Variants in RSU1 observed in about 807,000 individuals in gnomAD.
RSU1 encodes the protein rsu-1.
In RSU1, 26 loss-of-function variants were observed where a neutral mutation model predicts 31.1. That is an observed-to-expected ratio of 0.84 (90% confidence interval 0.61 to 1.16). RSU1 has a LOEUF of 1.16. Among genes scored for constraint, RSU1 ranks in the 50% most tolerant of loss-of-function variants. The pLI is 0.00. For synonymous variants in RSU1, 164 were observed against 136.3 expected, an observed-to-expected ratio of 1.20 and a Z score of -1.41; for missense variants, 320 against 339.1, an observed-to-expected ratio of 0.94 and a Z score of 0.44.
At chr10:16,661,016 T>C (rs1834879467) in intron 8 of RSU1, among the ~76,000 whole-genome samples, 2 of 152,294 alleles carry the variant, frequency 1.3e-5, no homozygotes, top group African/African-American at 2.4e-5. Flanking sequence ...ATTGCAATGA[T>C]TATATTTTTC....
intron 8 of RSU1, among the ~76,000 whole-genome samples, chr10:16,621,006 T>C (rs1157335664): frequency 6.6e-6 from 1 of 152,202 alleles, no homozygotes; most frequent in East Asian, 1.9e-4. Context: ...TTTTTCAATC[T>C]GCGTACTTAA....
intron 8 of RSU1, among the ~76,000 whole-genome samples, chr10:16,631,703 T>A (rs995997797): frequency 6.6e-6 from 1 of 152,236 alleles, no homozygotes; most frequent in African/African-American, 2.4e-5. Flanking sequence ...GTCCTTTGTT[T>A]ATACTGCTGG....
At position 16,592,808 on chromosome 10, in the gene RSU1, C is replaced by A. The variant is rs966237771; in HGVS notation, c.*586G>T. The A allele has an allele frequency of 3.3e-5, 5 of 151,994 alleles. No homozygotes were observed. The highest frequency in any genetic ancestry group is 1.2e-4 in the African/African-American group (5 of 41,386). 9.4% of individuals were successfully genotyped at this position (151,994 alleles called of 1,614,324 possible). A position where few individuals can be genotyped will look rare whatever the true frequency, so the allele number is the denominator to read the frequency against. On this transcript the variant is annotated 3_prime_UTR_variant, in exon 9 of 9. Coordinates refer to ENST00000345264, the MANE Select transcript of RSU1 (RefSeq NM_012425.4). The stretch of plus-strand genomic sequence containing the variant: ...TCATGAAAAGTTTATCATGTATAAC[C>A]AATAAAATTGGATAAGATGATTTTG...
In RSU1 at chr10:16,637,090, A is replaced by G. The variant is rs73601050; in HGVS notation, c.732-43594T>C. Reference sequence around the variant, plus strand: ...CTTTATTTCCTGCAACCAAAGCATTACAGATAAACCACATTATTAACAAAT... The same window carrying G: ...CTTTATTTCCTGCAACCAAAGCATTGCAGATAAACCACATTATTAACAAAT... On this transcript the variant is annotated intron_variant, in intron 8 of 8. Coordinates refer to ENST00000345264, the MANE Select transcript of RSU1 (RefSeq NM_012425.4). 5.0e-3 allele frequency among the ~76,000 whole-genome samples: 768 copies of G among 152,364 alleles called. 5 individuals carry two copies. Among genetic ancestry groups the G allele is most frequent in the African/African-American group, 0.018 (732 of 41,586 alleles).
chr10:16,628,589 G>A (rs1407429739), intron 8 of RSU1, among the ~76,000 whole-genome samples: 1 of 152,138 alleles, frequency 6.6e-6, no homozygotes, highest in Admixed American at 6.5e-5. Flanking sequence ...AGAAAGGAAA[G>A]GCATTTGTTA....
chr10:16,676,098 C>G (rs1455652027), intron 8 of RSU1, among the ~76,000 whole-genome samples: 1 of 152,172 alleles, frequency 6.6e-6, no homozygotes, highest in African/African-American at 2.4e-5. Flanking sequence ...AGTAAGTATT[C>G]TAGAGAAAGG....
In RSU1 at chr10:16,696,272, A is replaced by G. The variant is rs117977701; in HGVS notation, c.599-1117T>C. Among the ~76,000 whole-genome samples, 26 of 152,302 alleles carry G rather than the reference A, an allele frequency of 1.7e-4. No homozygotes were observed. In the East Asian group the frequency reaches 5.0e-3, roughly 29 times the overall value. On this transcript the variant is annotated intron_variant, in intron 7 of 8. Coordinates refer to ENST00000345264, the MANE Select transcript of RSU1 (RefSeq NM_012425.4). ...TTGCTGTTCCCAGGTTCTACTGCCT[A>G]TGTTTTCATAGATGGTAACTCAGGA...
chr10:16,666,760 G>A (rs924520022), intron 8 of RSU1, among the ~76,000 whole-genome samples: 1 of 152,058 alleles, frequency 6.6e-6, no homozygotes, highest in Non-Finnish European at 1.5e-5. Flanking sequence ...GGCTAAGGTG[G>A]GTGGATTACT....
intron 7 of RSU1, chr10:16,748,074 C>T (rs774339183): frequency 2.0e-5 from 3 of 152,248 alleles, no homozygotes; most frequent in Non-Finnish European, 4.4e-5. Flanking sequence ...TTCCTCAAAA[C>T]CCTTCAATGT....
intron 8 of RSU1, among the ~76,000 whole-genome samples, chr10:16,656,142 T>G (rs1211636296): frequency 1.3e-5 from 2 of 152,150 alleles, no homozygotes; most frequent in African/African-American, 4.8e-5. Flanking sequence ...TACAAAGTAC[T>G]GGAAAGCATA....
intron 3 of RSU1, among the ~76,000 whole-genome samples, chr10:16,770,583 G>A (rs1837405395): frequency 6.6e-6 from 1 of 152,246 alleles, no homozygotes; most frequent in Non-Finnish European, 1.5e-5. Context: ...CAGAGCTGGT[G>A]ATTCCTGAGC....
At chr10:16,817,228 C>A in intron 1 of RSU1, 87 bp downstream of exon 1, 1 of 432,190 alleles carries the variant, frequency 2.3e-6, no homozygotes, top group Non-Finnish European at 3.9e-6. Context: ...GGTCCGGGTG[C>A]GGGGAGGGGA....
chr10:16,803,183 T>C (rs1487109318), intron 2 of RSU1, among the ~76,000 whole-genome samples: 2 of 152,150 alleles, frequency 1.3e-5, no homozygotes, highest in South Asian at 4.1e-4. Context: ...GTTTGCAGGA[T>C]ACAAGGTAAT....
At chr10:16,756,485 C>T (rs1241255840) in intron 4 of RSU1, among the ~76,000 whole-genome samples, 1 of 152,162 alleles carries the variant, frequency 6.6e-6, no homozygotes, top group East Asian at 1.9e-4. Flanking sequence ...TCAGCCCACT[C>T]AACATGAAGA....
intron 2 of RSU1, among the ~76,000 whole-genome samples, chr10:16,813,086 C>T (rs1483763779): frequency 1.3e-5 from 2 of 151,920 alleles, no homozygotes; most frequent in African/African-American, 2.4e-5. Context: ...ATCCTCCCAC[C>T]GCAGCCTCCC....
At chr10:16,718,038 C>T (rs1463394979) in intron 7 of RSU1, among the ~76,000 whole-genome samples, 3 of 141,942 alleles carry the variant, frequency 2.1e-5, no homozygotes, top group Non-Finnish European at 4.6e-5. Flanking sequence ...AGAAAGAAAA[C>T]AATCAACAAA....
At chr10:16,613,438 T>G (rs1335602680) in intron 8 of RSU1, among the ~76,000 whole-genome samples, 1 of 152,212 alleles carries the variant, frequency 6.6e-6, no homozygotes, top group Admixed American at 6.5e-5. Context: ...TCAGAAACAC[T>G]AGTGGACTTC....
intron 2 of RSU1, among the ~76,000 whole-genome samples, chr10:16,807,278 G>C (rs1234416981): frequency 6.6e-6 from 1 of 152,212 alleles, no homozygotes; most frequent in Non-Finnish European, 1.5e-5. Flanking sequence ...AAGTTACACA[G>C]AGTCCAAAGG....
In RSU1 at chr10:16,608,844, T is replaced by C. The variant is rs190349633; in HGVS notation, c.732-15348A>G. On this transcript the variant is annotated intron_variant, in intron 8 of 8. Coordinates refer to ENST00000345264, the MANE Select transcript of RSU1 (RefSeq NM_012425.4). ...CAGCAGACTTAATAATTTTCATCCA[T>C]TTCCTCCTAGTTTAGGGACAGGGTC... Among the ~76,000 whole-genome samples the C allele has an allele frequency of 3.6e-3, 548 of 152,288 alleles. 6 individuals are homozygous for C. The highest frequency in any genetic ancestry group is 0.013 in the African/African-American group (530 of 41,542).
Sources: gnomAD v4.1 joint callset for allele counts (sites outside exome capture counted in the v4.1 genomes callset) on GRCh38, gnomAD v4.1.1 for gene constraint, MANE v1.5 for transcripts, NCBI Gene and HGNC (gene_info 2026-07-23, HGNC 2026-07-21) for gene names.